PPM1L: variants seen among roughly 807,000 people sequenced by gnomAD.
PPM1L encodes protein phosphatase, Mg2+/Mn2+ dependent 1L, also known as protein phosphatase 1L.
PPM1L carries 13 observed loss-of-function variants against 31.4 expected under a neutral mutation model. That is an observed-to-expected ratio of 0.41 (90% CI 0.27 to 0.66). The LOEUF is 0.66. Among genes scored for constraint, PPM1L ranks in the 30% least tolerant of loss-of-function variants. PPM1L has a pLI of 0.29. For synonymous variants in PPM1L, 184 were observed against 175.4 expected, an observed-to-expected ratio of 1.05 and a Z score of -0.39; for missense variants, 326 against 453.7, an observed-to-expected ratio of 0.72 and a Z score of 2.56.
chr3:160,940,350 A>G (rs993706936), intron 1 of PPM1L, among the ~76,000 whole-genome samples: 3 of 152,208 alleles, frequency 2.0e-5, no homozygotes, highest in African/African-American at 7.2e-5. Flanking sequence ...AAGGAGCCTA[A>G]TGTTCATCCC....
chr3:161,047,532 A>G (rs536124122), intron 2 of PPM1L, among the ~76,000 whole-genome samples: 10 of 152,350 alleles, frequency 6.6e-5, no homozygotes, highest in South Asian at 2.1e-4. Flanking sequence ...TATAGATTCA[A>G]TGCCATCCCC....
intron 1 of PPM1L, among the ~76,000 whole-genome samples, chr3:160,869,023 G>A (rs1394201680): frequency 6.6e-6 from 1 of 152,178 alleles, no homozygotes; most frequent in Non-Finnish European, 1.5e-5. Context: ...CTTTGATCAG[G>A]TGTATAAGGA....
chr3:160,907,354 A>G (rs1359699627), intron 1 of PPM1L, among the ~76,000 whole-genome samples: 1 of 152,244 alleles, frequency 6.6e-6, no homozygotes, highest in Non-Finnish European at 1.5e-5. Flanking sequence ...TTTTCTGTTC[A>G]TTGAAGCTAC....
chr3:160,949,055 G>T (rs1715496255), intron 1 of PPM1L, among the ~76,000 whole-genome samples: 1 of 152,158 alleles, frequency 6.6e-6, no homozygotes, highest in Non-Finnish European at 1.5e-5. Flanking sequence ...CAGGCCCCAT[G>T]AATCTGCGTT....
At chr3:160,927,656 G>C (rs1404637561) in intron 1 of PPM1L, among the ~76,000 whole-genome samples, 1 of 152,182 alleles carries the variant, frequency 6.6e-6, no homozygotes, top group African/African-American at 2.4e-5. Context: ...GCGCATGCAC[G>C]TAAATGCGTG....
chr3:160,804,471 C>G (rs1180093305), intron 1 of PPM1L, among the ~76,000 whole-genome samples: 4 of 152,122 alleles, frequency 2.6e-5, no homozygotes, highest in African/African-American at 9.7e-5. Flanking sequence ...TATGTTTTCT[C>G]TTTTTGAGAA....
intron 1 of PPM1L, among the ~76,000 whole-genome samples, chr3:160,770,677 C>T (rs568971067): frequency 2.2e-4 from 33 of 152,288 alleles, no homozygotes; most frequent in Admixed American, 6.5e-4. Flanking sequence ...TATCTGACTG[C>T]ACAGGATAAC....
At chr3:160,779,014 A>C (rs1711655160) in intron 1 of PPM1L, among the ~76,000 whole-genome samples, 1 of 151,740 alleles carries the variant, frequency 6.6e-6, no homozygotes, top group Non-Finnish European at 1.5e-5. Context: ...TACAGTAAAC[A>C]GTCTAAAAAT....
intron 1 of PPM1L, among the ~76,000 whole-genome samples, chr3:160,899,440 C>G (rs1041457803): frequency 2.6e-5 from 4 of 152,008 alleles, no homozygotes; most frequent in African/African-American, 9.7e-5. Flanking sequence ...AGATTAATTC[C>G]AAATAGAAGG....
intron 1 of PPM1L, among the ~76,000 whole-genome samples, chr3:160,872,664 C>T (rs1476231828): frequency 3.3e-5 from 5 of 152,120 alleles, no homozygotes; most frequent in East Asian, 3.9e-4. Flanking sequence ...CGGTGGCTTA[C>T]GTCTGTAATC....
At chr3:160,764,363 A>G (rs1189089013) in intron 1 of PPM1L, among the ~76,000 whole-genome samples, 1 of 152,048 alleles carries the variant, frequency 6.6e-6, no homozygotes, top group Non-Finnish European at 1.5e-5. Flanking sequence ...ATACATATGT[A>G]GATTTAAATC....
chr3:161,017,502 G>A (rs1231034188), intron 2 of PPM1L, among the ~76,000 whole-genome samples: 1 of 152,074 alleles, frequency 6.6e-6, no homozygotes, highest in African/African-American at 2.4e-5. Context: ...ACTTTTTGGT[G>A]CCTTACCAAG....
chr3:160,858,321 A>G (rs1711787514), intron 1 of PPM1L, among the ~76,000 whole-genome samples: 1 of 151,746 alleles, frequency 6.6e-6, no homozygotes, highest in Non-Finnish European at 1.5e-5. Context: ...GTCTTGGCTC[A>G]CTGCAAGAAC....
At chr3:160,808,983 A>G (rs896431774) in intron 1 of PPM1L, among the ~76,000 whole-genome samples, 5 of 150,528 alleles carry the variant, frequency 3.3e-5, no homozygotes, top group Admixed American at 6.9e-5. Context: ...TGACTTGAGT[A>G]GAGAAGTGCT....
chr3:160,930,116 T>G (rs532609362), intron 1 of PPM1L, among the ~76,000 whole-genome samples: 8 of 152,338 alleles, frequency 5.3e-5, no homozygotes, highest in African/African-American at 1.9e-4. Context: ...TCTTTCATTT[T>G]GAATGTGGGT....
intron 2 of PPM1L, among the ~76,000 whole-genome samples, chr3:161,026,908 T>A (rs1718416032): frequency 6.6e-6 from 1 of 152,038 alleles, no homozygotes; most frequent in African/African-American, 2.4e-5. Context: ...GGTGGAGAAA[T>A]AGCAGGGGAA....
chr3:160,953,333 A>G (rs1225118223), intron 1 of PPM1L, among the ~76,000 whole-genome samples: 1 of 152,232 alleles, frequency 6.6e-6, no homozygotes, highest in African/African-American at 2.4e-5. Flanking sequence ...GTAATAAAAT[A>G]GATTATTTGT....
At chr3:161,018,815 T>C (rs1336366753) in intron 2 of PPM1L, among the ~76,000 whole-genome samples, 2 of 152,236 alleles carry the variant, frequency 1.3e-5, no homozygotes, top group Non-Finnish European at 2.9e-5. Context: ...TTCCAAGGTA[T>C]GTTCCTTGGC....
chr3:160,801,830 A>G (rs1253081597), intron 1 of PPM1L, among the ~76,000 whole-genome samples: 1 of 152,106 alleles, frequency 6.6e-6, no homozygotes, highest in Non-Finnish European at 1.5e-5. Flanking sequence ...TCTACAGATT[A>G]TATATGTTGT....
Sources: allele counts gnomAD v4.1 joint callset (sites outside exome capture counted in the v4.1 genomes callset), GRCh38; gene constraint gnomAD v4.1.1; transcripts MANE v1.5; gene names NCBI Gene and HGNC (gene_info 2026-07-23, HGNC 2026-07-21).